The following GPR143 variants were observed in gnomAD, a reference collection of about 807,000 sequenced individuals.
GPR143 encodes the protein G-protein coupled receptor 143.
Under a neutral mutation model 27.6 loss-of-function variants are expected in GPR143, and 8 were observed. The ratio of observed to expected loss-of-function variants is 0.29; its 90% CI spans 0.17 to 0.52. The LOEUF is 0.52. Among genes scored for constraint, GPR143 ranks in the 20% least tolerant of loss-of-function variants. The probability of loss-of-function intolerance (pLI) is 0.96; values close to 1 mark genes in which losing one functional copy is unlikely to be tolerated. For missense variants in GPR143, 303 were observed against 343.1 expected, an observed-to-expected ratio of 0.88 and a Z score of 0.92; for synonymous variants, 156 against 153.2, an observed-to-expected ratio of 1.02 and a Z score of -0.13.
intron 8 of GPR143, among the ~76,000 whole-genome samples, chrX:9,728,864 C>G (rs1183206200): frequency 9.1e-6 from 1 of 109,927 alleles, no homozygotes; most frequent in Non-Finnish European, 1.9e-5. Flanking sequence ...CATACACATG[C>G]ACCTGCCCAC....
intron 1 of GPR143, among the ~76,000 whole-genome samples, chrX:9,774,271 C>T (rs1367290892): frequency 1.8e-5 from 2 of 112,928 alleles, no homozygotes; most frequent in Non-Finnish European, 3.7e-5. Flanking sequence ...TTCTGTGTTT[C>T]CTGGCAGGAT....
intron 8 of GPR143, among the ~76,000 whole-genome samples, chrX:9,738,784 C>A (rs758817524): frequency 8.9e-6 from 1 of 111,780 alleles, no homozygotes; most frequent in Admixed American, 9.5e-5. Flanking sequence ...GCCTCCATGC[C>A]GGCTAATTTT....
intron 1 of GPR143, among the ~76,000 whole-genome samples, chrX:9,777,917 C>T (rs1440155495): frequency 3.6e-5 from 4 of 109,774 alleles, no homozygotes; most frequent in Non-Finnish European, 7.6e-5. Flanking sequence ...GGTGAAACCC[C>T]GTCTCTACTA....
chrX:9,754,909 G>A lies in GPR143; in HGVS notation c.455+4423C>T, dbSNP rs761642460. Among the ~76,000 whole-genome samples the A allele has an allele frequency of 2.0e-4, 22 of 111,867 alleles. No individual in the cohort carries two copies. The South Asian group carries it at 2.6e-3, about 13-fold the overall frequency. ...ACTGGCATCTATAAGACCTACAGTT[G>A]TGTCAGACCTCCGACCTCTCCAACA... On this transcript the variant is annotated intron_variant, in intron 3 of 8. Coordinates refer to ENST00000467482, the MANE Select transcript of GPR143 (RefSeq NM_000273.3).
chrX:9,732,087 G>T (rs1050532941), intron 8 of GPR143, among the ~76,000 whole-genome samples: 1 of 112,029 alleles, frequency 8.9e-6, no homozygotes, highest in African/African-American at 3.2e-5. Context: ...AGAATTTGTG[G>T]CAAAGACAAA....
chrX:9,765,165 TTC>T (rs1281209495), intron 1 of GPR143, among the ~76,000 whole-genome samples: 2 of 112,542 alleles, frequency 1.8e-5, no homozygotes, highest in African/African-American at 6.4e-5. Flanking sequence ...ACCGATCAAG[TTC>T]CAACCCGAGT....
At chrX:9,760,885 C>T in intron 1 of GPR143, 59 bp from the exon 2 acceptor site, 1 of 602,587 alleles carries the variant, frequency 1.7e-6, no homozygotes, top group Middle Eastern at 3.3e-4. Flanking sequence ...AAGCTGACTT[C>T]TTGCTTTGGA....
At chrX:9,736,427 C>T (rs942712709) in intron 8 of GPR143, among the ~76,000 whole-genome samples, 1 of 110,685 alleles carries the variant, frequency 9.0e-6, no homozygotes, top group Non-Finnish European at 1.9e-5. Flanking sequence ...AACTTATGAC[C>T]CTAACCACCA....
chrX:9,729,804 T>C (rs73188251), intron 8 of GPR143, among the ~76,000 whole-genome samples: 3,416 of 112,026 alleles, frequency 0.03, 49 homozygotes, highest in Non-Finnish European at 0.043. Context: ...CCCTCTTTAA[T>C]GAGCCTTGCA....
chrX:9,733,922 A>G (rs1212689521), intron 8 of GPR143, among the ~76,000 whole-genome samples: 1 of 110,398 alleles, frequency 9.1e-6, no homozygotes, highest in Non-Finnish European at 1.9e-5. Context: ...TCTACTAAAA[A>G]TACAAAAATT....
chrX:9,737,509 C>G (rs1019809616), intron 8 of GPR143, among the ~76,000 whole-genome samples: 2 of 111,381 alleles, frequency 1.8e-5, no homozygotes, highest in African/African-American at 6.5e-5. Flanking sequence ...AGGTCTGGAA[C>G]AGCAAAGCCA....
chrX:9,742,511 T>C (rs976185262), intron 6 of GPR143, among the ~76,000 whole-genome samples: 1 of 111,752 alleles, frequency 8.9e-6, no homozygotes, highest in African/African-American at 3.3e-5. Flanking sequence ...ACTACCAAAG[T>C]GTGAGCTACC....
At chrX:9,771,586 G>A (rs1032330588) in intron 1 of GPR143, among the ~76,000 whole-genome samples, 3 of 110,667 alleles carry the variant, frequency 2.7e-5, no homozygotes, top group East Asian at 2.8e-4. Flanking sequence ...AGACCCTAGA[G>A]CTTGTATCTT....
chrX:9,766,919 A>T (rs2083536888), upstream of GPR143, among the ~76,000 whole-genome samples: 3 of 105,194 alleles, frequency 2.9e-5, no homozygotes, highest in African/African-American at 1.1e-4. Flanking sequence ...ACACACACAC[A>T]CACACACACA....
At chrX:9,752,307 A>C (rs1187907144) in intron 3 of GPR143, among the ~76,000 whole-genome samples, 1 of 111,606 alleles carries the variant, frequency 9.0e-6, no homozygotes, top group Non-Finnish European at 1.9e-5. Context: ...GGCTCAAGCA[A>C]TCCTCCCATC....
At chrX:9,773,244 A>C (rs1211636543) in intron 1 of GPR143, among the ~76,000 whole-genome samples, 3 of 111,850 alleles carry the variant, frequency 2.7e-5, no homozygotes, top group Non-Finnish European at 5.6e-5. Flanking sequence ...ACATTTCTTT[A>C]TAAGAATGTC....
chrX:9,772,002 C>T lies in GPR143; in HGVS notation c.-2-11176G>A, dbSNP rs182206330. Among the ~76,000 whole-genome samples the T allele has an allele frequency of 2.3e-3, 253 of 111,056 alleles. 1 individual carries two copies. Among genetic ancestry groups the T allele is most frequent in the African/African-American group, 8.0e-3 (245 of 30,517 alleles). ...CTGGGATTACAGGCATGAGCCACCG[C>T]GCCCGGCTGGAGCATTCTCAACACA... On this transcript the variant is annotated intron_variant, in intron 1 of 7. Transcript: ENST00000447366.
At chrX:9,747,289 G>A (rs893135683) in intron 4 of GPR143, among the ~76,000 whole-genome samples, 3 of 110,711 alleles carry the variant, frequency 2.7e-5, no homozygotes, top group East Asian at 5.7e-4. Flanking sequence ...GAGCGCCCTG[G>A]GTCAGGCGTT....
chrX:9,766,722 T>C (rs7058968), upstream of GPR143, among the ~76,000 whole-genome samples: 5,053 of 110,453 alleles, frequency 0.046, 117 homozygotes, highest in Non-Finnish European at 0.064. Context: ...CCAGACCTTG[T>C]ATCAAAAAAC....
Sources: gnomAD v4.1 joint callset for allele counts (sites outside exome capture counted in the v4.1 genomes callset) on GRCh38, gnomAD v4.1.1 for gene constraint, MANE v1.5 for transcripts, NCBI Gene and HGNC (gene_info 2026-07-23, HGNC 2026-07-21) for gene names.